The following REC114 variants were observed in gnomAD, a reference collection of about 807,000 sequenced individuals.
The protein encoded by REC114 is REC114 meiotic recombination protein, also known as meiotic recombination protein REC114.
In REC114, 27 loss-of-function variants were observed where a neutral mutation model predicts 31.3. The ratio of observed to expected loss-of-function variants is 0.86; its 90% CI spans 0.64 to 1.19. The LOEUF is 1.19. Ranked by LOEUF, REC114 falls within the 50% of genes most tolerant of loss-of-function variation. The pLI is 0.00. For missense variants in REC114, 344 were observed against 326.9 expected (o/e 1.05, Z -0.40); for synonymous variants, 134 against 127.7 (o/e 1.05, Z -0.33).
chr15:73,465,875 G>A (rs572115315), intron 1 of REC114, among the ~76,000 whole-genome samples: 40 of 152,080 alleles, frequency 2.6e-4, no homozygotes, highest in South Asian at 6.2e-4. Context: ...ATTTTGAGAC[G>A]GAGTCTCGCT....
At chr15:73,522,764 C>T (rs1014436208) in intron 2 of REC114, among the ~76,000 whole-genome samples, 3 of 152,126 alleles carry the variant, frequency 2.0e-5, no homozygotes, top group Non-Finnish European at 2.9e-5. Flanking sequence ...TTTGTGTGGA[C>T]ATATTTTCAT....
chr15:73,464,302 GAAT>G (rs756301319), intron 1 of REC114, among the ~76,000 whole-genome samples: 6 of 151,634 alleles, frequency 4.0e-5, no homozygotes, highest in Admixed American at 1.3e-4. Flanking sequence ...TCTCAAGTGT[GAAT>G]AATAATTATA....
chr15:73,551,970 G>A (rs1894399237), intron 4 of REC114, among the ~76,000 whole-genome samples: 1 of 152,150 alleles, frequency 6.6e-6, no homozygotes, highest in Admixed American at 6.5e-5. Context: ...TTGTTTATAA[G>A]TAATTACCTG....
At chr15:73,473,588 T>C (rs2098640401) in intron 1 of REC114, among the ~76,000 whole-genome samples, 1 of 152,200 alleles carries the variant, frequency 6.6e-6, no homozygotes. Context: ...CTTAATCTGA[T>C]ATTCTTTCTG....
At chr15:73,558,831 T>G (rs978755821) in intron 5 of REC114, among the ~76,000 whole-genome samples, 27 of 152,222 alleles carry the variant, frequency 1.8e-4, no homozygotes, top group Non-Finnish European at 4.0e-4. Flanking sequence ...AAACCTGTGT[T>G]CACACAAAAA....
chr15:73,557,481 T>C (rs777850858), intron 5 of REC114, among the ~76,000 whole-genome samples: 6 of 147,754 alleles, frequency 4.1e-5, no homozygotes, highest in Non-Finnish European at 7.5e-5. Context: ...TCAAAATAAA[T>C]GGACAATCAT....
chr15:73,521,026 G>A (rs560056310), intron 2 of REC114, among the ~76,000 whole-genome samples: 3 of 152,298 alleles, frequency 2.0e-5, no homozygotes, highest in Non-Finnish European at 4.4e-5. Context: ...ACAAAGGTGT[G>A]CACAAGATGT....
At chr15:73,485,095 T>C (rs1893347375) in intron 2 of REC114, among the ~76,000 whole-genome samples, 1 of 152,200 alleles carries the variant, frequency 6.6e-6, no homozygotes, top group Non-Finnish European at 1.5e-5. Context: ...AAACTATTTA[T>C]TTAATATTTA....
chr15:73,536,056 C>G (rs1894152218), intron 2 of REC114, among the ~76,000 whole-genome samples: 1 of 151,356 alleles, frequency 6.6e-6, no homozygotes. Context: ...AACGTTAGAC[C>G]TAAAACCATA....
At chr15:73,480,719 C>T (rs754121891) in intron 2 of REC114, among the ~76,000 whole-genome samples, 5 of 152,106 alleles carry the variant, frequency 3.3e-5, no homozygotes, top group South Asian at 2.1e-4. Context: ...ACTCTTTCGC[C>T]CAGGCTGGGA....
chr15:73,535,321 C>G (rs111510565), intron 2 of REC114, among the ~76,000 whole-genome samples: 5,619 of 152,090 alleles, frequency 0.037, 160 homozygotes, highest in African/African-American at 0.078. Flanking sequence ...TGATAAGCAA[C>G]TTCAGCAAAG....
At position 73,559,988 on chromosome 15, in the gene REC114, T is replaced by C; in HGVS notation, c.*72T>C. The C allele has an allele frequency of 6.5e-6, 9 of 1,381,062 alleles. No homozygotes were observed. The highest frequency in any genetic ancestry group is 6.9e-6 in the Non-Finnish European group (7 of 1,017,996). The allele number at this position is 1,381,062 out of a possible 1,614,324, so 85.6% of individuals were successfully genotyped here. A position where few individuals can be genotyped will look rare whatever the true frequency, so the allele number is the denominator to read the frequency against. On this transcript the variant is annotated 3_prime_UTR_variant, in exon 6 of 6. Transcript: ENST00000331090. Reference sequence around the variant, plus strand: ...TGCTTCCTCCTAAAATTAAAGAAGATATTAGAATAAAGAGTATTATCCAAA... The same window carrying C: ...TGCTTCCTCCTAAAATTAAAGAAGACATTAGAATAAAGAGTATTATCCAAA...
intron 1 of REC114, among the ~76,000 whole-genome samples, chr15:73,472,050 AT>A (rs1329280389): frequency 6.6e-6 from 1 of 152,126 alleles, no homozygotes; most frequent in East Asian, 1.9e-4. Context: ...TGGGTGATGT[AT>A]TTGCTTTGTC....
intron 2 of REC114, among the ~76,000 whole-genome samples, chr15:73,531,022 A>G (rs762263776): frequency 7.9e-5 from 12 of 152,182 alleles, no homozygotes; most frequent in Non-Finnish European, 1.6e-4. Flanking sequence ...GCAGGTGTGA[A>G]CATTTAGAAT....
intron 1 of REC114, among the ~76,000 whole-genome samples, chr15:73,452,781 A>G (rs1370362780): frequency 1.3e-5 from 2 of 152,220 alleles, no homozygotes; most frequent in Non-Finnish European, 2.9e-5. Context: ...GTACCAAAAC[A>G]GATATATAGA....
At chr15:73,468,034 C>T (rs1893085437) in intron 1 of REC114, among the ~76,000 whole-genome samples, 1 of 152,062 alleles carries the variant, frequency 6.6e-6, no homozygotes, top group Non-Finnish European at 1.5e-5. Context: ...AAGGATGCTT[C>T]TGATTACAAT....
intron 1 of REC114, among the ~76,000 whole-genome samples, chr15:73,469,110 G>A (rs1408909234): frequency 1.3e-5 from 2 of 152,070 alleles, no homozygotes; most frequent in Non-Finnish European, 2.9e-5. Flanking sequence ...AATAAATGTC[G>A]ATCAATCATG....
At chr15:73,517,546 CTTTGAAGT>C (rs545623606) in intron 2 of REC114, among the ~76,000 whole-genome samples, 74 of 152,232 alleles carry the variant, frequency 4.9e-4, no homozygotes, top group Non-Finnish European at 9.4e-4. Context: ...TGAAGGAAAA[CTTTGAAGT>C]TTCTGGTTTA....
intron 1 of REC114, among the ~76,000 whole-genome samples, chr15:73,472,400 T>G (rs1187901792): frequency 6.6e-6 from 1 of 152,242 alleles, no homozygotes; most frequent in Non-Finnish European, 1.5e-5. Context: ...ATTCACTTTT[T>G]AAGTTTGGAA....
Sources: gnomAD v4.1 joint callset for allele counts (sites outside exome capture counted in the v4.1 genomes callset) on GRCh38, gnomAD v4.1.1 for gene constraint, MANE v1.5 for transcripts, NCBI Gene and HGNC (gene_info 2026-07-23, HGNC 2026-07-21) for gene names.